Variants in SMC5 observed in about 807,000 individuals in gnomAD.
SMC5 encodes structural maintenance of chromosomes protein 5.
SMC5 carries 88 observed loss-of-function variants against 148.3 expected under a neutral mutation model. That is an observed-to-expected ratio of 0.59 (90% confidence interval 0.50 to 0.71). The LOEUF is 0.71. Among genes scored for constraint, SMC5 ranks in the 30% least tolerant of loss-of-function variants. The probability of loss-of-function intolerance (pLI) is 0.00; values close to 1 mark genes in which losing one functional copy is unlikely to be tolerated. For synonymous variants in SMC5, 421 were observed against 432.8 expected, an observed-to-expected ratio of 0.97 and a Z score of 0.34; for missense variants, 1,142 against 1,298.9, an observed-to-expected ratio of 0.88 and a Z score of 1.86.
At chr9:70,301,243 A>G (rs1352494139) in intron 10 of SMC5, among the ~76,000 whole-genome samples, 1 of 152,174 alleles carries the variant, frequency 6.6e-6, no homozygotes, top group Non-Finnish European at 1.5e-5. Flanking sequence ...CTAAAATGCC[A>G]GTGTCAGAAT....
At chr9:70,329,696 A>G (rs535543682) in intron 17 of SMC5, among the ~76,000 whole-genome samples, 3 of 152,250 alleles carry the variant, frequency 2.0e-5, no homozygotes, top group African/African-American at 7.2e-5. Flanking sequence ...CTTATTACCC[A>G]GTTCCAAAGT....
At chr9:70,351,974 G>A (rs905472819) in intron 24 of SMC5, among the ~76,000 whole-genome samples, 1 of 152,092 alleles carries the variant, frequency 6.6e-6, no homozygotes, top group Non-Finnish European at 1.5e-5. Context: ...CTACTCTGGA[G>A]GCTGGCTGAG....
intron 11 of SMC5, among the ~76,000 whole-genome samples, chr9:70,313,602 A>G (rs1416366326): frequency 6.6e-6 from 1 of 152,070 alleles, no homozygotes; most frequent in African/African-American, 2.4e-5. Context: ...AGTTCAAGCA[A>G]TTCTCCTGCC....
chr9:70,309,676 A>G (rs927618625), intron 11 of SMC5, among the ~76,000 whole-genome samples: 3 of 152,096 alleles, frequency 2.0e-5, no homozygotes, highest in African/African-American at 7.2e-5. Context: ...TTTGGGCTCC[A>G]CTTCCAATTC....
At chr9:70,322,665 G>C (rs886628834) in intron 15 of SMC5, among the ~76,000 whole-genome samples, 3 of 151,320 alleles carry the variant, frequency 2.0e-5, no homozygotes, top group African/African-American at 4.8e-5. Flanking sequence ...ATGAAACCCT[G>C]TCTCTACTAA....
At position 70,348,048 on chromosome 9, in the gene SMC5, C is replaced by T. The variant is rs2036712715; in HGVS notation, c.2889+10C>T. On this transcript the variant is annotated intron_variant, in intron 22 of 24. Coordinates refer to ENST00000361138, the MANE Select transcript of SMC5 (RefSeq NM_015110.4). ...CCATACAGAAAATGAGGTAAAATTG[C>T]ATTTGAAATAAATAATATTTCTGGC... 2 of 1,548,508 alleles carry T rather than the reference C, an allele frequency of 1.3e-6. No individual in the cohort carries two copies. The highest frequency in any genetic ancestry group is 1.9e-4 in the Middle Eastern group (1 of 5,166).
chr9:70,298,398 A>C (rs1176672496), intron 9 of SMC5, among the ~76,000 whole-genome samples, 177 bp downstream of exon 9: 3 of 152,116 alleles, frequency 2.0e-5, no homozygotes, highest in Non-Finnish European at 4.4e-5. Context: ...GTGTACTGTA[A>C]TTTGCCATTA....
At chr9:70,310,095 AC>A (rs1421788344) in intron 11 of SMC5, among the ~76,000 whole-genome samples, 2 of 152,092 alleles carry the variant, frequency 1.3e-5, no homozygotes, top group East Asian at 3.9e-4. Context: ...TGATCTGCCC[AC>A]CTCAGCCTCC....
chr9:70,286,346 C>T, intron 8 of SMC5, 75 bp downstream of exon 8: 1 of 908,362 alleles, frequency 1.1e-6, no homozygotes, highest in Non-Finnish European at 1.8e-6. Flanking sequence ...GATTATGAGA[C>T]AGATTCTTGT....
chr9:70,352,548 A>T lies in SMC5; in HGVS notation c.*217A>T. The T allele has an allele frequency of 2.2e-6, 1 of 462,646 alleles. No individual in the cohort carries two copies. Among genetic ancestry groups the T allele is most frequent in the Non-Finnish European group, 3.8e-6 (1 of 263,338 alleles). The allele number at this position is 462,646 out of a possible 1,614,324, so 28.7% of individuals were successfully genotyped here. On this transcript the variant is annotated 3_prime_UTR_variant, in exon 25 of 25. Coordinates refer to ENST00000361138, the MANE Select transcript of SMC5 (RefSeq NM_015110.4). ...TCTTCTTCAGTCTTGGTTGAACTTG[A>T]GTTCTTGGCACTCTGACCATGAGTC... is the stretch of plus-strand genomic sequence containing the variant.
At chr9:70,286,120 TTGAA>T (rs1253982270) in intron 7 of SMC5, 76 bp from the exon 8 acceptor site, 1 of 829,110 alleles carries the variant, frequency 1.2e-6, no homozygotes, top group African/African-American at 1.7e-5. Context: ...AACTCGATAT[TTGAA>T]TGGGCAGGGC....
intron 22 of SMC5, among the ~76,000 whole-genome samples, chr9:70,349,048 TTTAA>T (rs112009203): frequency 0.077 from 11,730 of 152,288 alleles, 515 homozygotes; most frequent in African/African-American, 0.13. Context: ...ATAGATAACC[TTTAA>T]TTAGTAAGTT....
chr9:70,299,075 A>G (rs1277096429), intron 9 of SMC5, among the ~76,000 whole-genome samples: 1 of 151,856 alleles, frequency 6.6e-6, no homozygotes, highest in African/African-American at 2.4e-5. Context: ...CACACTTCAT[A>G]AGCTACAAAT....
chr9:70,347,897 T>C, intron 21 of SMC5, 22 bp from the exon 22 acceptor site: 1 of 1,559,458 alleles, frequency 6.4e-7, no homozygotes, highest in Non-Finnish European at 8.7e-7. Context: ...AAATTGTGTT[T>C]TTATATTGCC....
Position 70,276,724 on chromosome 9 carries a change from A to G in SMC5, c.381-586A>G, listed in dbSNP as rs909899684. On this transcript the variant is annotated intron_variant, in intron 3 of 24. Coordinates refer to ENST00000361138, the MANE Select transcript of SMC5 (RefSeq NM_015110.4). ...TGGAGCAGTAGTACTTCTAAAAGCG[A>G]GAAATAAGTAAATACCCTTCTTTCA... Among the ~76,000 whole-genome samples the G allele has an allele frequency of 2.0e-5, 3 of 152,320 alleles. No individual in the cohort carries two copies. The East Asian group carries it at 5.8e-4, about 29-fold the overall frequency.
chr9:70,286,828 C>T (rs1346791111), intron 8 of SMC5: 1 of 151,598 alleles, frequency 6.6e-6, no homozygotes, highest in Non-Finnish European at 1.5e-5. Flanking sequence ...ATAATCCTCC[C>T]ACCTCAGCCT....
At chr9:70,303,501 G>A (rs369970360) in intron 10 of SMC5, among the ~76,000 whole-genome samples, 2 of 151,968 alleles carry the variant, frequency 1.3e-5, no homozygotes, top group South Asian at 2.1e-4. Context: ...CTGGATGATG[G>A]TTTTCATGTG....
chr9:70,351,599 T>C (rs1038374741), intron 24 of SMC5, among the ~76,000 whole-genome samples: 2 of 152,086 alleles, frequency 1.3e-5, no homozygotes, highest in Non-Finnish European at 2.9e-5. Context: ...CTAGGAAAAT[T>C]GTGGAGGACA....
rs563139964 is a variant in SMC5, at chr9:70,337,719, G to A, written c.2398-6425G>A. On this transcript the variant is annotated intron_variant, in intron 17 of 24. Transcript: ENST00000361138. Reference sequence around the variant, plus strand: ...GATCCACCCGCCTCGGCCTCCCAAAGTGCTAGGATTACAGGTGTGAGCCAC... The same window carrying A: ...GATCCACCCGCCTCGGCCTCCCAAAATGCTAGGATTACAGGTGTGAGCCAC... Among the ~76,000 whole-genome samples the A allele has an allele frequency of 2.6e-5, 4 of 152,164 alleles. No individual in the cohort carries two copies. In the East Asian group the frequency reaches 5.8e-4, roughly 22 times the overall value.
Sources: gnomAD v4.1 joint callset for allele counts (sites outside exome capture counted in the v4.1 genomes callset) on GRCh38, gnomAD v4.1.1 for gene constraint, MANE v1.5 for transcripts, NCBI Gene and HGNC (gene_info 2026-07-23, HGNC 2026-07-21) for gene names.